The following TCEANC variants were observed in gnomAD, a reference collection of about 807,000 sequenced individuals.
TCEANC encodes transcription elongation factor A N-terminal and central domain containing.
A neutral mutation model predicts 8.7 loss-of-function variants in TCEANC; 8 were observed. The observed-to-expected ratio is 0.92, with a 90% CI of 0.54 to 1.65. The LOEUF (loss-of-function observed/expected upper bound fraction) is 1.65, where lower values mean the gene tolerates loss of function less well. TCEANC is among the 40% of genes most tolerant of loss of function. The pLI, the probability that TCEANC is intolerant of heterozygous loss-of-function variation, is 0.00. For synonymous variants in TCEANC, 78 were observed against 92.9 expected (o/e 0.84, Z 0.92); for missense variants, 255 against 251.9 (o/e 1.01, Z -0.08).
At chrX:13,656,361 T>G (rs1159524190) in intron 1 of TCEANC, among the ~76,000 whole-genome samples, 1 of 112,578 alleles carries the variant, frequency 8.9e-6, no homozygotes, top group Non-Finnish European at 1.9e-5. Context: ...GCTGGACATA[T>G]GCCTTACCTT....
chrX:13,663,805 G>T, exon 2 of TCEANC: 1 of 309,461 alleles, frequency 3.2e-6, no homozygotes, highest in Non-Finnish European at 5.8e-6. Context: ...GAGTGTGGGT[G>T]AGAACAGCCC....
upstream of TCEANC, among the ~76,000 whole-genome samples, chrX:13,654,186 G>C (rs777789791): frequency 1.8e-5 from 2 of 112,949 alleles, no homozygotes; most frequent in Non-Finnish European, 3.7e-5. Context: ...TAAATAAAAT[G>C]TATAATTAAT....
exon 2 of TCEANC, chrX:13,663,595 C>T (rs775989585): frequency 1.2e-4 from 120 of 1,041,138 alleles, no homozygotes; most frequent in Middle Eastern, 2.9e-4. Flanking sequence ...AACAGATAAC[C>T]GGAGTGATAC....
chrX:13,662,301 C>T (rs766210457), intron 1 of TCEANC, among the ~76,000 whole-genome samples, 200 bp from the exon 5 acceptor site: 17 of 112,087 alleles, frequency 1.5e-4, no homozygotes, highest in African/African-American at 4.9e-4. Context: ...GTTTTTCACT[C>T]GTAGGAATTA....
rs771606580 is a variant in TCEANC at position 13,663,348 on chromosome X, A to G, written c.840A>G (p.Glu280=). 1.8e-5 allele frequency: 21 copies of G among 1,194,645 alleles called. 1 individual carries two copies. In the Admixed American group the frequency reaches 4.8e-4, roughly 28 times the overall value. ...CCTACACGGAATCTTGTATCCAGGA[A>G]CATTACCTTCCCCAAGTAATTGATG... is the stretch of plus-strand genomic sequence containing the variant. Residue 280 remains glutamate (E), a synonymous_variant, in exon 2 of 2, where the codon GAA becomes GAG. Coordinates refer to ENST00000380600, the Ensembl canonical transcript of TCEANC.
At chrX:13,662,727 A>G (rs757831354) in exon 2 of TCEANC, 2 of 1,210,064 alleles carry the variant, frequency 1.7e-6, no homozygotes, top group African/African-American at 3.5e-5. Context: ...GTTTGCTATC[A>G]AAGTGGAAAG....
intron 1 of TCEANC, among the ~76,000 whole-genome samples, 149 bp downstream of exon 4, chrX:13,661,271 A>G (rs1039513196): frequency 8.0e-5 from 9 of 112,262 alleles, no homozygotes; most frequent in African/African-American, 2.9e-4. Flanking sequence ...ATATTACTGT[A>G]TCCTAGGAGT....
intron 1 of TCEANC, among the ~76,000 whole-genome samples, chrX:13,656,917 A>G (rs1051708260): frequency 2.7e-5 from 3 of 112,372 alleles, no homozygotes; most frequent in African/African-American, 9.7e-5. Flanking sequence ...TAGAGACAGA[A>G]AGTCGAGTGG....
upstream of TCEANC, among the ~76,000 whole-genome samples, chrX:13,654,869 CAA>C (rs971575306): frequency 1.8e-5 from 2 of 110,643 alleles, no homozygotes; most frequent in African/African-American, 6.6e-5. Flanking sequence ...TTTTTTTTAA[CAA>C]GATTTATTTG....
intron 1 of TCEANC, among the ~76,000 whole-genome samples, 124 bp downstream of exon 4, chrX:13,661,246 G>A (rs1420594535): frequency 3.6e-5 from 4 of 111,988 alleles, no homozygotes; most frequent in Non-Finnish European, 5.6e-5. Context: ...CTAAATACAT[G>A]ATTTTTAAAT....
At chrX:13,660,294 C>T (rs962611233) in intron 1 of TCEANC, among the ~76,000 whole-genome samples, 1 of 111,885 alleles carries the variant, frequency 8.9e-6, no homozygotes, top group Non-Finnish European at 1.9e-5. Flanking sequence ...ATGTAATTCA[C>T]GCACCATACA....
exon 2 of TCEANC, chrX:13,663,543 T>C (rs781206577): frequency 4.2e-5 from 48 of 1,150,922 alleles, no homozygotes; most frequent in Non-Finnish European, 5.2e-5. Context: ...AGTGGTACCA[T>C]AGCAAGTGGG....
At chrX:13,662,409 A>T in intron 1 of TCEANC, 92 bp from the exon 5 acceptor site, 1 of 790,758 alleles carries the variant, frequency 1.3e-6, no homozygotes, top group Non-Finnish European at 1.8e-6. Context: ...AACATTGCCT[A>T]GGTAACTGAC....
At chrX:13,664,584 T>C (rs2046000393) in exon 2 of TCEANC, 1 of 122,380 alleles carries the variant, frequency 8.2e-6, no homozygotes, top group South Asian at 3.9e-4. Flanking sequence ...TTCGGGGGTA[T>C]GTAAACTCTA....
chrX:13,653,538 A>T (rs905859381), upstream of TCEANC, among the ~76,000 whole-genome samples: 1 of 111,594 alleles, frequency 9.0e-6, no homozygotes, highest in Non-Finnish European at 1.9e-5. Flanking sequence ...AGGGGTCACC[A>T]TTAAGGGAAA....
At chrX:13,663,722 T>A in exon 2 of TCEANC, 1 of 511,941 alleles carries the variant, frequency 2.0e-6, no homozygotes, top group Non-Finnish European at 3.1e-6. Flanking sequence ...CCCTAAAAGT[T>A]ACAGTTTGGG....
chrX:13,660,697 A>G (rs1409508401), intron 1 of TCEANC, among the ~76,000 whole-genome samples: 1 of 112,547 alleles, frequency 8.9e-6, no homozygotes, highest in African/African-American at 3.2e-5. Context: ...TTATCCATTC[A>G]TCAGTTGATG....
chrX:13,657,776 C>A (rs1408968038), intron 1 of TCEANC, among the ~76,000 whole-genome samples: 23 of 102,265 alleles, frequency 2.2e-4, no homozygotes, highest in Non-Finnish European at 4.0e-4. Flanking sequence ...CCACTGCACT[C>A]CAGCATGGGT....
At chrX:13,664,823 AT>A (rs769586849) in exon 2 of TCEANC, 62 of 123,652 alleles carry the variant, frequency 5.0e-4, no homozygotes, top group African/African-American at 1.8e-3. Context: ...CACGCCTTCT[AT>A]GTGATTATGG....
Sources: gnomAD v4.1 joint callset for allele counts (sites outside exome capture counted in the v4.1 genomes callset) on GRCh38, gnomAD v4.1.1 for gene constraint, MANE v1.5 for transcripts, NCBI Gene and HGNC (gene_info 2026-07-23, HGNC 2026-07-21) for gene names.